Variants in NLRP14 observed in about 807,000 individuals in gnomAD.
The protein encoded by NLRP14 is NLR family pyrin domain containing 14.
In NLRP14, 105 loss-of-function variants were observed where a neutral mutation model predicts 94.7. That is an observed-to-expected ratio of 1.11 (90% CI 0.95 to 1.30). The LOEUF is 1.30. NLRP14 is among the 50% of genes most tolerant of loss of function. NLRP14 has a pLI of 0.00. For synonymous variants in NLRP14, 508 were observed against 459.9 expected, an observed-to-expected ratio of 1.10 and a Z score of -1.34; for missense variants, 1,362 against 1,254.1, an observed-to-expected ratio of 1.09 and a Z score of -1.30.
chr11:7,022,717 A>C, intron 1 of NLRP14, among the ~76,000 whole-genome samples: 1 of 152,208 alleles, frequency 6.6e-6, no homozygotes, highest in South Asian at 2.1e-4. Context: ...TTCAAAACCC[A>C]TCAAGGAATA....
At chr11:7,060,643 C>G (rs1357841391) in intron 9 of NLRP14, among the ~76,000 whole-genome samples, 1 of 151,968 alleles carries the variant, frequency 6.6e-6, no homozygotes, top group Non-Finnish European at 1.5e-5. Context: ...AGTCAACTTT[C>G]AAATAAATGG....
the NLRP14 span, among the ~76,000 whole-genome samples, chr11:7,081,024 A>G: frequency 6.6e-6 from 1 of 151,640 alleles, no homozygotes; most frequent in African/African-American, 2.4e-5. Flanking sequence ...TCTGGCCCAG[A>G]GCGGAGTTAT....
At chr11:7,080,035 G>A in the NLRP14 span, among the ~76,000 whole-genome samples, 1 of 152,290 alleles carries the variant, frequency 6.6e-6, no homozygotes, top group South Asian at 2.1e-4. Context: ...TACCAGGGCA[G>A]GGGGAACACA....
At chr11:7,060,229 T>C (rs1362761419) in intron 9 of NLRP14, among the ~76,000 whole-genome samples, 165 bp downstream of exon 9, 1 of 151,932 alleles carries the variant, frequency 6.6e-6, no homozygotes, top group Non-Finnish European at 1.5e-5. Flanking sequence ...GCTCATCAGA[T>C]TTCTAAAAAT....
intron 1 of NLRP14, among the ~76,000 whole-genome samples, chr11:7,031,831 C>G (rs973432873): frequency 3.3e-5 from 5 of 152,148 alleles, no homozygotes; most frequent in Admixed American, 1.3e-4. Flanking sequence ...CACTGGTGCT[C>G]CAGGTTATCA....
At chr11:7,059,153 T>C (rs1284531925) in intron 8 of NLRP14, among the ~76,000 whole-genome samples, 7 of 150,926 alleles carry the variant, frequency 4.6e-5, no homozygotes, top group Non-Finnish European at 7.4e-5. Flanking sequence ...GCTGTTTTTT[T>C]CTGATGTTTT....
chr11:7,057,567 C>T, intron 6 of NLRP14, 110 bp from the exon 7 acceptor site: 4 of 1,058,208 alleles, frequency 3.8e-6, no homozygotes, highest in Non-Finnish European at 4.4e-6. Flanking sequence ...TTGGATTTTT[C>T]AGGCAAGATT....
chr11:7,083,925 C>T, the NLRP14 span, among the ~76,000 whole-genome samples: 2 of 152,182 alleles, frequency 1.3e-5, no homozygotes, highest in African/African-American at 4.8e-5. Flanking sequence ...TCTGTCTGGC[C>T]ACATGGTCAG....
chr11:7,071,379 T>C lies in NLRP14; in HGVS notation c.*71T>C, dbSNP rs1395878671. The C allele has an allele frequency of 3.0e-6, 4 of 1,335,752 alleles. No individual in the cohort carries two copies. Among genetic ancestry groups the C allele is most frequent in the African/African-American group, 1.5e-5 (1 of 68,220 alleles). 82.7% of individuals were successfully genotyped at this position (1,335,752 alleles called of 1,614,324 possible). A position where few individuals can be genotyped will look rare whatever the true frequency, so the allele number is the denominator to read the frequency against. ...ACATACATAGATATATACCCAGACT[T>C]GGGTGCTTAGCTTCAGATACTCTAT... On this transcript the variant is annotated 3_prime_UTR_variant, in exon 12 of 12. Coordinates refer to ENST00000299481, the MANE Select transcript of NLRP14 (RefSeq NM_176822.4).
intron 1 of NLRP14, among the ~76,000 whole-genome samples, chr11:7,035,524 G>A (rs541957369): frequency 7.2e-5 from 11 of 152,252 alleles, no homozygotes; most frequent in East Asian, 3.9e-4. Flanking sequence ...TATAACGCAC[G>A]TATAGTATCC....
At chr11:7,030,030 G>A (rs1478197572) in intron 1 of NLRP14, among the ~76,000 whole-genome samples, 1 of 152,172 alleles carries the variant, frequency 6.6e-6, no homozygotes, top group Non-Finnish European at 1.5e-5. Flanking sequence ...AAGAAATGCT[G>A]TCTTAAATAA....
At chr11:7,053,954 C>G (rs1852481231) in intron 6 of NLRP14, among the ~76,000 whole-genome samples, 1 of 152,150 alleles carries the variant, frequency 6.6e-6, no homozygotes, top group African/African-American at 2.4e-5. Context: ...CATTCCCCCA[C>G]TGTGCTTCCT....
chr11:7,034,697 C>T (rs1852138979), intron 1 of NLRP14, among the ~76,000 whole-genome samples: 1 of 152,134 alleles, frequency 6.6e-6, no homozygotes, highest in African/African-American at 2.4e-5. Flanking sequence ...TTGGTCAATT[C>T]CCTTACTGTG....
chr11:7,036,585 C>G (rs1852165809), intron 1 of NLRP14, among the ~76,000 whole-genome samples: 1 of 152,068 alleles, frequency 6.6e-6, no homozygotes, highest in Non-Finnish European at 1.5e-5. Context: ...CATGCGTTAG[C>G]TTTTTTAATC....
chr11:7,089,728 G>C, the NLRP14 span: 1 of 1,513,950 alleles, frequency 6.6e-7, no homozygotes. Context: ...CCCCCGCGCC[G>C]CGACCCCTAC....
intron 2 of NLRP14, 113 bp downstream of exon 2, chr11:7,038,988 A>C: frequency 1.0e-6 from 1 of 989,324 alleles, no homozygotes; most frequent in Non-Finnish European, 1.4e-6. Context: ...TGGGGGACAT[A>C]AGCTCCATGG....
chr11:7,049,574 T>A, intron 5 of NLRP14, 97 bp from the exon 6 acceptor site: 1 of 867,390 alleles, frequency 1.2e-6, no homozygotes, highest in Non-Finnish European at 1.9e-6. Flanking sequence ...AAAAGAATAT[T>A]CATGTAATAT....
intron 1 of NLRP14, among the ~76,000 whole-genome samples, chr11:7,031,193 T>C (rs910323916): frequency 1.3e-5 from 2 of 152,194 alleles, no homozygotes; most frequent in Non-Finnish European, 2.9e-5. Context: ...TTGGCGCTTA[T>C]ACCCTTTGCC....
chr11:7,078,198 G>A, the NLRP14 span, among the ~76,000 whole-genome samples: 1 of 152,020 alleles, frequency 6.6e-6, no homozygotes, highest in African/African-American at 2.4e-5. Context: ...TAGCACTTTG[G>A]GAGGCCAAGA....
Sources: allele counts gnomAD v4.1 joint callset (sites outside exome capture counted in the v4.1 genomes callset), GRCh38; gene constraint gnomAD v4.1.1; transcripts MANE v1.5; gene names NCBI Gene and HGNC (gene_info 2026-07-23, HGNC 2026-07-21).